Variants in DYNC1LI1 observed in about 807,000 individuals in gnomAD.
DYNC1LI1 encodes the protein cytoplasmic dynein 1 light intermediate chain 1.
Under a neutral mutation model 63.8 loss-of-function variants are expected in DYNC1LI1, and 19 were observed. The ratio of observed to expected loss-of-function variants is 0.30; its 90% confidence interval spans 0.21 to 0.44. DYNC1LI1 has a LOEUF of 0.44. DYNC1LI1 is among the 20% of genes least tolerant of loss of function. The pLI, the probability that DYNC1LI1 is intolerant of heterozygous loss-of-function variation, is 1.00. For synonymous variants in DYNC1LI1, 225 were observed against 232.3 expected (o/e 0.97, Z 0.28); for missense variants, 565 against 630.2 (o/e 0.90, Z 1.11).
In DYNC1LI1 at chr3:32,560,477, T is replaced by C. The variant is rs116976638; in HGVS notation, c.220+9869A>G. ...TGAATTCCAGCTCAGTTGTGTAACCTAGGGCTTAAAACCCTTTCCTGTAAA... is the reference window on the plus strand; with the variant it reads ...TGAATTCCAGCTCAGTTGTGTAACCCAGGGCTTAAAACCCTTTCCTGTAAA... On this transcript the variant is annotated intron_variant, in intron 2 of 12. Coordinates refer to ENST00000273130, the MANE Select transcript of DYNC1LI1 (RefSeq NM_016141.4). Among the ~76,000 whole-genome samples the C allele has an allele frequency of 2.8e-4, 43 of 152,230 alleles. 1 individual carries two copies. In the East Asian group the frequency reaches 8.1e-3, roughly 29 times the overall value.
intron 5 of DYNC1LI1, among the ~76,000 whole-genome samples, chr3:32,538,664 G>A (rs1224038854): frequency 1.3e-5 from 2 of 151,522 alleles, no homozygotes; most frequent in African/African-American, 2.4e-5. Flanking sequence ...TTGCGCCACC[G>A]CACTCTAGCC....
chr3:32,541,286 T>A, intron 4 of DYNC1LI1, 80 bp from the exon 5 acceptor site: 1 of 899,360 alleles, frequency 1.1e-6, no homozygotes, highest in Non-Finnish European at 1.7e-6. Flanking sequence ...AAAGATAAAA[T>A]TTACTCGAAT....
At chr3:32,536,258 C>G (rs546274865) in intron 6 of DYNC1LI1, among the ~76,000 whole-genome samples, 1 of 152,272 alleles carries the variant, frequency 6.6e-6, no homozygotes, top group African/African-American at 2.4e-5. Context: ...TCCTAATAAT[C>G]ATTTCATTAT....
intron 2 of DYNC1LI1, among the ~76,000 whole-genome samples, chr3:32,552,112 C>G (rs2125441077): frequency 6.6e-6 from 1 of 152,296 alleles, no homozygotes; most frequent in African/African-American, 2.4e-5. Flanking sequence ...AGATTCCAAC[C>G]TCAAAGCCTT....
chr3:32,544,497 C>T (rs550064094), intron 4 of DYNC1LI1, among the ~76,000 whole-genome samples: 33 of 152,094 alleles, frequency 2.2e-4, no homozygotes, highest in African/African-American at 7.2e-4. Context: ...CAGGCTGGGC[C>T]GGTGGCTCAC....
At chr3:32,532,508 A>ATATAT (rs1559434368) in intron 8 of DYNC1LI1, 1 of 124,926 alleles carries the variant, frequency 8.0e-6, no homozygotes, top group African/African-American at 2.9e-5. Flanking sequence ...TATATATATA[A>ATATAT]AATTGAAAGT....
Position 32,549,046 on chromosome 3 carries a change from A to G in DYNC1LI1, c.221-3081T>C, listed in dbSNP as rs187165815. Reference sequence around the variant, plus strand: ...TTAAAATGGAAATAACCAGTAAAAAATAAAATATAAAAATATTTCTTTCTA... The same window carrying G: ...TTAAAATGGAAATAACCAGTAAAAAGTAAAATATAAAAATATTTCTTTCTA... On this transcript the variant is annotated intron_variant, in intron 2 of 12. Coordinates refer to ENST00000273130, the MANE Select transcript of DYNC1LI1 (RefSeq NM_016141.4). Among the ~76,000 whole-genome samples, 1,240 of 152,230 alleles carry G rather than the reference A, an allele frequency of 8.1e-3. 22 individuals carry two copies. The highest frequency in any genetic ancestry group is 0.029 in the African/African-American group (1,188 of 41,560).
intron 2 of DYNC1LI1, among the ~76,000 whole-genome samples, chr3:32,567,354 A>G (rs996275756): frequency 6.6e-6 from 1 of 152,098 alleles, no homozygotes; most frequent in Non-Finnish European, 1.5e-5. Flanking sequence ...ACACGTTACT[A>G]CACATACATG....
chr3:32,561,973 G>C (rs777491388), intron 2 of DYNC1LI1, among the ~76,000 whole-genome samples: 2 of 151,930 alleles, frequency 1.3e-5, no homozygotes, highest in Admixed American at 6.6e-5. Context: ...TATTCACATA[G>C]AGAAAATGAA....
At chr3:32,561,318 G>A (rs1441097782) in intron 2 of DYNC1LI1, among the ~76,000 whole-genome samples, 4 of 151,454 alleles carry the variant, frequency 2.6e-5, no homozygotes, top group Non-Finnish European at 5.9e-5. Context: ...AAACAAACAA[G>A]TATTCTCACA....
At chr3:32,533,566 CTTTTTTTT>C (rs374520445) in intron 7 of DYNC1LI1, among the ~76,000 whole-genome samples, 1 of 139,648 alleles carries the variant, frequency 7.2e-6, no homozygotes, top group African/African-American at 2.6e-5. Context: ...ATACGGTTAC[CTTTTTTTT>C]TTTTTTTTTG....
intron 2 of DYNC1LI1, among the ~76,000 whole-genome samples, chr3:32,547,901 G>C (rs1697977423): frequency 6.6e-6 from 1 of 152,008 alleles, no homozygotes; most frequent in Non-Finnish European, 1.5e-5. Flanking sequence ...GGAAAATCTG[G>C]TACGTGTATG....
chr3:32,546,690 G>C (rs971651692), intron 2 of DYNC1LI1, among the ~76,000 whole-genome samples: 1 of 152,068 alleles, frequency 6.6e-6, no homozygotes, highest in Non-Finnish European at 1.5e-5. Flanking sequence ...GTCCACCTAA[G>C]GGCCAATCAA....
At chr3:32,561,291 G>A (rs1698190262) in intron 2 of DYNC1LI1, among the ~76,000 whole-genome samples, 1 of 151,486 alleles carries the variant, frequency 6.6e-6, no homozygotes, top group Admixed American at 6.6e-5. Context: ...ATAATACTTA[G>A]TATTGGCAAT....
intron 2 of DYNC1LI1, among the ~76,000 whole-genome samples, chr3:32,557,034 T>C (rs1698123850): frequency 6.6e-6 from 1 of 152,152 alleles, no homozygotes; most frequent in East Asian, 1.9e-4. Context: ...TCACTAAACT[T>C]AGGAAAACTT....
chr3:32,536,296 G>A (rs1289125023), intron 6 of DYNC1LI1, among the ~76,000 whole-genome samples: 1 of 152,082 alleles, frequency 6.6e-6, no homozygotes, highest in Non-Finnish European at 1.5e-5. Flanking sequence ...TTTGGCTGGG[G>A]AATGCAACTG....
intron 12 of DYNC1LI1, among the ~76,000 whole-genome samples, chr3:32,527,955 T>C (rs955321890): frequency 1.3e-5 from 2 of 150,772 alleles, no homozygotes; most frequent in African/African-American, 4.9e-5. Context: ...ACACCGTTTC[T>C]ACTAAAAATA....
At chr3:32,555,795 A>G (rs1312839022) in intron 2 of DYNC1LI1, among the ~76,000 whole-genome samples, 3 of 152,194 alleles carry the variant, frequency 2.0e-5, no homozygotes, top group Non-Finnish European at 4.4e-5. Flanking sequence ...TGCAACTTAC[A>G]CTGAAATGCA....
At chr3:32,557,874 TAG>T (rs1464161636) in intron 2 of DYNC1LI1, among the ~76,000 whole-genome samples, 1 of 152,166 alleles carries the variant, frequency 6.6e-6, no homozygotes, top group Non-Finnish European at 1.5e-5. Context: ...ATTACGCAAG[TAG>T]AGAGTTCCTG....
Sources: allele counts gnomAD v4.1 joint callset (sites outside exome capture counted in the v4.1 genomes callset), GRCh38; gene constraint gnomAD v4.1.1; transcripts MANE v1.5; gene names NCBI Gene and HGNC (gene_info 2026-07-23, HGNC 2026-07-21).